Variants in DMD observed in about 807,000 individuals in gnomAD.
DMD encodes mutant dystrophin.
Under a neutral mutation model 330.1 loss-of-function variants are expected in DMD, and 63 were observed. That is an observed-to-expected ratio of 0.19 (90% CI 0.16 to 0.24). The LOEUF (loss-of-function observed/expected upper bound fraction) is 0.24, where lower values mean the gene tolerates loss of function less well. DMD is among the 10% of genes least tolerant of loss of function. The pLI, the probability that DMD is intolerant of heterozygous loss-of-function variation, is 1.00. For missense variants in DMD, 3,344 were observed against 2,684.1 expected (o/e 1.25, Z -5.43); for synonymous variants, 1,223 against 959.8 (o/e 1.27, Z -5.07).
chrX:31,300,912 T>C (rs1465457951), intron 62 of DMD, among the ~76,000 whole-genome samples: 5 of 112,183 alleles, frequency 4.5e-5, no homozygotes, highest in African/African-American at 1.6e-4. Context: ...GCTGGACAGA[T>C]AAATTAATGA....
In DMD at chrX:31,522,363, C is replaced by CTCTCTA; in HGVS notation, c.8218-14911_8218-14910insTAGAGA. ...TCTCTCTCTCTCTCTCTCTCTCTCT[C>CTCTCTA]TATATATATATATATATATATATAG... On this transcript the variant is annotated intron_variant, in intron 55 of 78. Transcript: ENST00000357033. 1.4e-3 allele frequency among the ~76,000 whole-genome samples: 52 copies of CTCTCTA among 35,961 alleles called. 2 individuals are homozygous for CTCTCTA. Among genetic ancestry groups the CTCTCTA allele is most frequent in the African/African-American group, 6.4e-3 (34 of 5,290 alleles). The allele number at this position is 35,961 out of a possible 115,157, so 31.2% of individuals were successfully genotyped here.
At chrX:32,922,512 G>A (rs1481235673) in intron 2 of DMD, among the ~76,000 whole-genome samples, 1 of 112,146 alleles carries the variant, frequency 8.9e-6, no homozygotes, top group African/African-American at 3.2e-5. Flanking sequence ...ACTTGGGCTG[G>A]GGAGATGGTT....
intron 77 of DMD, among the ~76,000 whole-genome samples, chrX:31,132,157 C>T (rs1270925064): frequency 8.9e-6 from 1 of 112,014 alleles, no homozygotes; most frequent in Admixed American, 9.5e-5. Context: ...CTTCCGTAAG[C>T]ACTAATTTAG....
At chrX:32,425,246 A>T (rs750205477) in intron 29 of DMD, among the ~76,000 whole-genome samples, 1 of 111,195 alleles carries the variant, frequency 9.0e-6, no homozygotes, top group South Asian at 3.8e-4. Flanking sequence ...GCAGAGTCCT[A>T]AACAACCTGA....
Position 31,119,817 on chromosome X carries a change from TGTAATTTG to T in DMD, c.*2094_*2101del, listed in dbSNP as rs1384994686. 1 of 111,560 alleles carries T rather than the reference TGTAATTTG, an allele frequency of 9.0e-6. No individual in the cohort carries two copies. Among genetic ancestry groups the T allele is most frequent in the African/African-American group, 3.3e-5 (1 of 30,653 alleles). The allele number at this position is 111,560 out of a possible 1,213,427, so 9.2% of individuals were successfully genotyped here. A position where few individuals can be genotyped will look rare whatever the true frequency, so the allele number is the denominator to read the frequency against. ...ATGCAAGACAAAAACCAAATCTTCATGTAATTTGGTAATTTGTTACCTTAGAGCTTTGG... is the reference window on the plus strand; with the variant it reads ...ATGCAAGACAAAAACCAAATCTTCATGTAATTTGTTACCTTAGAGCTTTGG... On this transcript the variant is annotated 3_prime_UTR_variant, in exon 79 of 79. Coordinates refer to ENST00000357033, the MANE Select transcript of DMD (RefSeq NM_004006.3).
chrX:32,958,694 C>T (rs2091731683), intron 2 of DMD, among the ~76,000 whole-genome samples: 1 of 110,989 alleles, frequency 9.0e-6, no homozygotes, highest in Non-Finnish European at 1.9e-5. Flanking sequence ...TTTTCTTCTT[C>T]CTTTCATATG....
chrX:31,508,289 G>C, intron 55 of DMD: 2 of 1,184,803 alleles, frequency 1.7e-6, no homozygotes, highest in Non-Finnish European at 2.3e-6. Context: ...TAGCAATCCT[G>C]AGAAAACCCA....
At chrX:33,235,785 G>A (rs902690011) in intron 1 of DMD, among the ~76,000 whole-genome samples, 19 of 109,907 alleles carry the variant, frequency 1.7e-4, no homozygotes, top group African/African-American at 6.3e-4. Flanking sequence ...TCCCAGATTA[G>A]CGCCATCTCC....
At chrX:32,770,235 GAAC>G (rs908652727) in intron 7 of DMD, among the ~76,000 whole-genome samples, 1 of 111,712 alleles carries the variant, frequency 9.0e-6, no homozygotes, top group African/African-American at 3.3e-5. Flanking sequence ...GGTGGCATGT[GAAC>G]AATGATTTAA....
rs185571180 is a variant in DMD, at chrX:32,751,171, C to G, written c.650-51878G>C. ...GAAAAGACACGTGAAAATGTGGAAGCAACTTTGGAACTGGGTAACAGGCAG... is the reference window on the plus strand; with the variant it reads ...GAAAAGACACGTGAAAATGTGGAAGGAACTTTGGAACTGGGTAACAGGCAG... On this transcript the variant is annotated intron_variant, in intron 7 of 78. Coordinates refer to ENST00000357033, the MANE Select transcript of DMD (RefSeq NM_004006.3). Among the ~76,000 whole-genome samples, 38 of 111,694 alleles carry G rather than the reference C, an allele frequency of 3.4e-4. No individual in the cohort carries two copies. In the East Asian group the frequency reaches 9.3e-3, roughly 27 times the overall value.
At chrX:32,543,831 A>G (rs1270035864) in intron 17 of DMD, among the ~76,000 whole-genome samples, 2 of 111,673 alleles carry the variant, frequency 1.8e-5, no homozygotes, top group Non-Finnish European at 3.8e-5. Context: ...TAGGATAGGT[A>G]ATAAATATTT....
chrX:32,978,759 G>A (rs2092623771), intron 2 of DMD, among the ~76,000 whole-genome samples: 1 of 112,346 alleles, frequency 8.9e-6, no homozygotes, highest in Non-Finnish European at 1.9e-5. Flanking sequence ...ATGAGACACT[G>A]CGCCCGGCCG....
At chrX:32,207,061 G>A (rs1269712400) in intron 44 of DMD, among the ~76,000 whole-genome samples, 2 of 111,821 alleles carry the variant, frequency 1.8e-5, no homozygotes, top group African/African-American at 3.2e-5. Context: ...TAAAAAAAAT[G>A]ATAAAGGTAA....
At chrX:31,839,738 C>G (rs1440569224) in intron 48 of DMD, among the ~76,000 whole-genome samples, 1 of 111,874 alleles carries the variant, frequency 8.9e-6, no homozygotes, top group African/African-American at 3.2e-5. Flanking sequence ...TAATCTCCAT[C>G]TAGCAATCCA....
intron 7 of DMD, among the ~76,000 whole-genome samples, chrX:32,717,708 G>A (rs897795915): frequency 9.0e-6 from 1 of 110,874 alleles, no homozygotes; most frequent in African/African-American, 3.3e-5. Flanking sequence ...CATACACCTG[G>A]AAAAGCCCCA....
chrX:32,324,536 G>A (rs2097640527), intron 41 of DMD, among the ~76,000 whole-genome samples: 1 of 111,617 alleles, frequency 9.0e-6, no homozygotes, highest in Non-Finnish European at 1.9e-5. Flanking sequence ...AGACCGAAAA[G>A]CACTAAATGG....
At chrX:33,297,309 A>T (rs2053598451) in intron 1 of DMD, among the ~76,000 whole-genome samples, 1 of 110,916 alleles carries the variant, frequency 9.0e-6, no homozygotes, top group Non-Finnish European at 1.9e-5. Context: ...TTAAATAAAA[A>T]GTTTGTCTCA....
At chrX:32,701,828 A>C (rs2064161462) in intron 7 of DMD, among the ~76,000 whole-genome samples, 1 of 111,631 alleles carries the variant, frequency 9.0e-6, no homozygotes, top group Admixed American at 9.6e-5. Context: ...CCCCCCAAAA[A>C]ATTTCAAACA....
chrX:33,045,927 GTAA>G (rs2094375379), intron 1 of DMD, among the ~76,000 whole-genome samples: 1 of 111,319 alleles, frequency 9.0e-6, no homozygotes, highest in African/African-American at 3.3e-5. Context: ...CAAGGGTGTG[GTAA>G]TCAGGACACA....
Sources: gnomAD v4.1 joint callset for allele counts (sites outside exome capture counted in the v4.1 genomes callset) on GRCh38, gnomAD v4.1.1 for gene constraint, MANE v1.5 for transcripts, NCBI Gene and HGNC (gene_info 2026-07-23, HGNC 2026-07-21) for gene names.